The following RABGAP1L variants were observed in gnomAD, a reference collection of about 807,000 sequenced individuals.
The protein encoded by RABGAP1L is RAB GTPase activating protein 1 like, also known as rab GTPase-activating protein 1-like.
RABGAP1L carries 63 observed loss-of-function variants against 137.7 expected under a neutral mutation model. That is an observed-to-expected ratio of 0.46 (90% CI 0.37 to 0.56). The LOEUF (loss-of-function observed/expected upper bound fraction) is 0.56. RABGAP1L is among the 20% of genes least tolerant of loss of function. The pLI is 0.00. For synonymous variants in RABGAP1L, 431 were observed against 433.7 expected, an observed-to-expected ratio of 0.99 and a Z score of 0.08; for missense variants, 1,095 against 1,244.0, an observed-to-expected ratio of 0.88 and a Z score of 1.80.
intron 18 of RABGAP1L, among the ~76,000 whole-genome samples, chr1:174,778,719 C>T (rs1050144645): frequency 2.0e-5 from 3 of 151,946 alleles, no homozygotes; most frequent in Non-Finnish European, 2.9e-5. Context: ...CTCAGCCTCC[C>T]GAGTAGCTGG....
At chr1:174,438,574 C>T (rs931123831) in intron 13 of RABGAP1L, among the ~76,000 whole-genome samples, 6 of 150,852 alleles carry the variant, frequency 4.0e-5, no homozygotes, top group African/African-American at 1.5e-4. Flanking sequence ...AAAAATTAGC[C>T]AGGCATGGTG....
intron 13 of RABGAP1L, among the ~76,000 whole-genome samples, chr1:174,565,883 C>CTTTTTTTTTTTTTTTTTTTTTTT (rs1557854563): frequency 1.5e-5 from 2 of 133,186 alleles, no homozygotes; most frequent in Non-Finnish European, 1.6e-5. Context: ...GAATCCTTTA[C>CTTTTTTTTTTTTTTTTTTTTTTT]ATTTTTTTTT....
At chr1:174,647,910 C>T (rs868526909) in intron 14 of RABGAP1L, among the ~76,000 whole-genome samples, 5 of 151,968 alleles carry the variant, frequency 3.3e-5, no homozygotes, top group African/African-American at 7.3e-5. Flanking sequence ...TTCAGGGACT[C>T]GACTTCTTCC....
intron 20 of RABGAP1L, among the ~76,000 whole-genome samples, chr1:174,968,338 T>C (rs1192656779): frequency 6.6e-6 from 1 of 152,198 alleles, no homozygotes; most frequent in Non-Finnish European, 1.5e-5. Context: ...TCCTGTCAGC[T>C]CTCTTTTGAA....
At chr1:174,375,736 A>G (rs1685468670) in intron 12 of RABGAP1L, among the ~76,000 whole-genome samples, 1 of 152,182 alleles carries the variant, frequency 6.6e-6, no homozygotes. Flanking sequence ...AGAAAATTTG[A>G]GGCCAAAATG....
chr1:174,972,353 G>A (rs1670208859), intron 21 of RABGAP1L, among the ~76,000 whole-genome samples: 1 of 152,192 alleles, frequency 6.6e-6, no homozygotes, highest in Non-Finnish European at 1.5e-5. Context: ...ATTTATCAGA[G>A]ATCCTCATTT....
intron 25 of RABGAP1L, among the ~76,000 whole-genome samples, chr1:174,989,248 A>G (rs937132854): frequency 6.6e-6 from 1 of 152,040 alleles, no homozygotes; most frequent in African/African-American, 2.4e-5. Flanking sequence ...GCTTCTTTTT[A>G]TCTTTAGCTC....
At chr1:174,974,400 T>C (rs1000106866) in intron 21 of RABGAP1L, among the ~76,000 whole-genome samples, 1 of 152,204 alleles carries the variant, frequency 6.6e-6, no homozygotes, top group East Asian at 1.9e-4. Context: ...GGCTCTAGAA[T>C]GGAAGCTTTG....
At chr1:174,957,776 T>C in intron 20 of RABGAP1L, 1 of 995,212 alleles carries the variant, frequency 1.0e-6, no homozygotes, top group Non-Finnish European at 1.6e-6. Context: ...CAAGTTCAAT[T>C]CCCTCTGTTC....
chr1:174,429,745 A>T (rs543894724), intron 13 of RABGAP1L, among the ~76,000 whole-genome samples: 19 of 151,400 alleles, frequency 1.3e-4, no homozygotes, highest in African/African-American at 2.9e-4. Context: ...ATCTCAAAAA[A>T]AAAAAATAAA....
rs572402090 is a variant in RABGAP1L at position 174,977,405 on chromosome 1, A to T, written c.2649+1223A>T. On this transcript the variant is annotated intron_variant, in intron 22 of 25. Transcript: ENST00000681986. ...CTTTGGGCCACTTAAGCTACTCTAGATGAGGCATAAGGCTCTTGGCAAGTA... is the reference window on the plus strand; with the variant it reads ...CTTTGGGCCACTTAAGCTACTCTAGTTGAGGCATAAGGCTCTTGGCAAGTA... Among the ~76,000 whole-genome samples, 307 of 152,278 alleles carry T rather than the reference A, an allele frequency of 2.0e-3. 1 individual carries two copies. The highest frequency in any genetic ancestry group is 5.2e-3 in the South Asian group (25 of 4,826).
intron 11 of RABGAP1L, among the ~76,000 whole-genome samples, chr1:174,315,834 CTCTT>C (rs1020547226): frequency 6.6e-6 from 1 of 152,034 alleles, no homozygotes; most frequent in African/African-American, 2.4e-5. Context: ...TCTACCCTAT[CTCTT>C]TCTCTACCTC....
At chr1:174,920,508 C>T (rs1042927249) in intron 19 of RABGAP1L, among the ~76,000 whole-genome samples, 29 of 152,198 alleles carry the variant, frequency 1.9e-4, no homozygotes, top group Admixed American at 1.6e-3. Context: ...GAAGATGAGA[C>T]TTGGATGGGG....
chr1:174,242,701 T>C (rs1671927388), intron 5 of RABGAP1L, among the ~76,000 whole-genome samples: 1 of 152,340 alleles, frequency 6.6e-6, no homozygotes, highest in Non-Finnish European at 1.5e-5. Flanking sequence ...ATTGTAACTG[T>C]AGAAATTCTC....
At chr1:174,200,215 T>C (rs1668001576) in intron 1 of RABGAP1L, among the ~76,000 whole-genome samples, 1 of 152,248 alleles carries the variant, frequency 6.6e-6, no homozygotes, top group Non-Finnish European at 1.5e-5. Context: ...ATCATGCTTA[T>C]GAACTACAAA....
At chr1:174,957,685 G>GGGAT in intron 20 of RABGAP1L, 136 bp downstream of exon 20, 1 of 944,612 alleles carries the variant, frequency 1.1e-6, no homozygotes, top group South Asian at 1.4e-5. Context: ...CCAAGTAGCT[G>GGGAT]GGATTACAGG....
rs538248747 is a variant in RABGAP1L, at chr1:174,175,110, C to T, written c.-34+15453C>T. ...TTGTTTTTTTCAGCATGATTGATTT[C>T]TAAAAGGCTTTGAATAACCATAGAT... On this transcript the variant is annotated intron_variant, in intron 1 of 25. Coordinates refer to ENST00000681986, the MANE Select transcript of RABGAP1L (RefSeq NM_001366446.1). Among the ~76,000 whole-genome samples the T allele has an allele frequency of 2.1e-3, 314 of 151,824 alleles. 1 individual carries two copies. The highest frequency in any genetic ancestry group is 7.2e-3 in the African/African-American group (297 of 41,294).
At chr1:174,689,893 C>T (rs996736589) in intron 15 of RABGAP1L, among the ~76,000 whole-genome samples, 1 of 152,144 alleles carries the variant, frequency 6.6e-6, no homozygotes, top group Admixed American at 6.5e-5. Context: ...TAAACAGGTA[C>T]ATCACATCAT....
intron 7 of RABGAP1L, among the ~76,000 whole-genome samples, chr1:174,255,302 T>C (rs549529875): frequency 6.6e-6 from 1 of 152,346 alleles, no homozygotes; most frequent in East Asian, 1.9e-4. Flanking sequence ...ATGATTATAT[T>C]TTGCATACAG....
Sources: allele counts gnomAD v4.1 joint callset (sites outside exome capture counted in the v4.1 genomes callset), GRCh38; gene constraint gnomAD v4.1.1; transcripts MANE v1.5; gene names NCBI Gene and HGNC (gene_info 2026-07-23, HGNC 2026-07-21).